The following CSMD1 variants were observed in gnomAD, a reference collection of about 807,000 sequenced individuals.
CSMD1 encodes CUB and Sushi multiple domains 1.
CSMD1 carries 213 observed loss-of-function variants against 417.5 expected under a neutral mutation model. The ratio of observed to expected loss-of-function variants is 0.51; its 90% confidence interval spans 0.46 to 0.57. The LOEUF (loss-of-function observed/expected upper bound fraction) is 0.57. CSMD1 is among the 20% of genes least tolerant of loss of function. The pLI, the probability that CSMD1 is intolerant of heterozygous loss-of-function variation, is 0.00. For missense variants in CSMD1, 6,923 were observed against 4,529.7 expected (o/e 1.53, Z -15.17); for synonymous variants, 2,862 against 1,736.8 (o/e 1.65, Z -16.11).
chr8:2,942,460 T>C lies in CSMD1; in HGVS notation c.10535+12A>G. ...TCACAACATTCTCAAACAGATGGTGTTTCTGCAGTACCTGTGTTTGTAGAG... is the reference window on the plus strand; with the variant it reads ...TCACAACATTCTCAAACAGATGGTGCTTCTGCAGTACCTGTGTTTGTAGAG... On this transcript the variant is annotated intron_variant, in intron 69 of 69. Coordinates refer to ENST00000635120, the MANE Select transcript of CSMD1 (RefSeq NM_033225.6). 2 of 1,608,952 alleles carry C rather than the reference T, an allele frequency of 1.2e-6. No individual in the cohort carries two copies. The highest frequency in any genetic ancestry group is 1.3e-5 in the African/African-American group (1 of 74,848).
At chr8:4,245,038 C>A (rs1017558165) in intron 3 of CSMD1, among the ~76,000 whole-genome samples, 3 of 152,136 alleles carry the variant, frequency 2.0e-5, no homozygotes, top group African/African-American at 7.2e-5. Flanking sequence ...TATAAAACCA[C>A]CATTCATTAG....
chr8:3,752,013 A>G (rs1262437458), intron 6 of CSMD1, among the ~76,000 whole-genome samples: 4 of 152,190 alleles, frequency 2.6e-5, no homozygotes, highest in African/African-American at 9.7e-5. Flanking sequence ...GGATCACTGA[A>G]GAGAAAGTGC....
chr8:4,171,572 G>A (rs143098153), intron 3 of CSMD1, among the ~76,000 whole-genome samples: 54 of 151,610 alleles, frequency 3.6e-4, no homozygotes, highest in African/African-American at 8.5e-4. Flanking sequence ...GGAGTGATAC[G>A]TTGCCAAATA....
intron 5 of CSMD1, among the ~76,000 whole-genome samples, chr8:3,954,033 G>A (rs112081912): frequency 2.0e-5 from 3 of 152,126 alleles, no homozygotes; most frequent in East Asian, 1.9e-4. Flanking sequence ...CATGGTGAGC[G>A]GGGCACATGC....
rs555650729 is a variant in CSMD1, at chr8:3,772,560, CAT to C, written c.819-18520_819-18519del. On this transcript the variant is annotated intron_variant, in intron 5 of 69. Coordinates refer to ENST00000635120, the MANE Select transcript of CSMD1 (RefSeq NM_033225.6). ...ATATATACACATATATACATATATA[CAT>C]ATATATACATATATACACATATATT... is the stretch of plus-strand genomic sequence containing the variant. Among the ~76,000 whole-genome samples, 6 of 104,396 alleles carry C rather than the reference CAT, an allele frequency of 5.7e-5. 1 individual carries two copies. The highest frequency in any genetic ancestry group is 3.4e-4 in the Admixed American group (3 of 8,746). The allele number at this position is 104,396 out of a possible 152,430, so 68.5% of individuals were successfully genotyped here. A position where few individuals can be genotyped will look rare whatever the true frequency, so the allele number is the denominator to read the frequency against.
At chr8:3,307,874 C>T (rs946384350) in intron 24 of CSMD1, 53 bp from the exon 25 acceptor site, 3 of 1,577,852 alleles carry the variant, frequency 1.9e-6, no homozygotes, top group East Asian at 2.3e-5. Context: ...TCACATGTTT[C>T]TATTTAGCTA....
chr8:4,899,428 T>C (rs546255662), intron 1 of CSMD1, among the ~76,000 whole-genome samples: 251 of 152,330 alleles, frequency 1.6e-3, no homozygotes, highest in Non-Finnish European at 2.6e-3. Flanking sequence ...GGAAGTATTT[T>C]AGGTAATTGA....
At chr8:3,483,710 C>A (rs1057424865) in intron 11 of CSMD1, among the ~76,000 whole-genome samples, 2 of 152,024 alleles carry the variant, frequency 1.3e-5, no homozygotes, top group African/African-American at 4.8e-5. Flanking sequence ...AGACCGATAT[C>A]TTTTATGAAT....
At chr8:3,050,376 T>C (rs34115690) in intron 50 of CSMD1, among the ~76,000 whole-genome samples, 2,436 of 152,308 alleles carry the variant, frequency 0.016, 23 homozygotes, top group East Asian at 0.031. Context: ...GATAAGCTAT[T>C]TGAAATATTT....
At chr8:3,851,568 C>T (rs1015130463) in intron 5 of CSMD1, among the ~76,000 whole-genome samples, 3 of 152,168 alleles carry the variant, frequency 2.0e-5, no homozygotes, top group African/African-American at 7.2e-5. Flanking sequence ...CAGCAACTCC[C>T]TGCTGCAGGC....
At chr8:3,591,593 C>T (rs972250062) in intron 8 of CSMD1, among the ~76,000 whole-genome samples, 3 of 152,330 alleles carry the variant, frequency 2.0e-5, no homozygotes, top group Middle Eastern at 3.4e-3. Context: ...CACTAATCTA[C>T]TGACTGGCTA....
chr8:4,041,452 C>A (rs1797891342), intron 3 of CSMD1, among the ~76,000 whole-genome samples: 1 of 152,162 alleles, frequency 6.6e-6, no homozygotes, highest in Non-Finnish European at 1.5e-5. Context: ...AACCTACATC[C>A]AGCCTTAAAA....
At chr8:3,222,762 C>T (rs1326294218) in intron 28 of CSMD1, among the ~76,000 whole-genome samples, 2 of 152,162 alleles carry the variant, frequency 1.3e-5, no homozygotes, top group Non-Finnish European at 2.9e-5. Context: ...AGCTGAGTAA[C>T]ATTTGGTAAA....
At chr8:4,257,910 A>C (rs1022979002) in intron 3 of CSMD1, among the ~76,000 whole-genome samples, 13 of 152,226 alleles carry the variant, frequency 8.5e-5, no homozygotes, top group African/African-American at 2.2e-4. Context: ...TAACAACAAC[A>C]ACCACCACTT....
chr8:3,384,243 A>G (rs1316306649), intron 18 of CSMD1, among the ~76,000 whole-genome samples: 1 of 152,114 alleles, frequency 6.6e-6, no homozygotes, highest in East Asian at 1.9e-4. Flanking sequence ...AAATTTTCAC[A>G]TAATAATTTT....
chr8:3,565,575 G>C (rs957965001), intron 10 of CSMD1, among the ~76,000 whole-genome samples: 1 of 152,148 alleles, frequency 6.6e-6, no homozygotes, highest in African/African-American at 2.4e-5. Context: ...GCAAGTGAAT[G>C]CCTCTTCTTC....
intron 23 of CSMD1, among the ~76,000 whole-genome samples, chr8:3,330,708 C>A (rs1209197837): frequency 6.6e-6 from 1 of 152,044 alleles, no homozygotes; most frequent in Non-Finnish European, 1.5e-5. Flanking sequence ...CATGAGTTTA[C>A]CCAAATAACA....
intron 1 of CSMD1, among the ~76,000 whole-genome samples, chr8:4,923,597 ATTGAGTT>A (rs1264715564): frequency 7.4e-6 from 1 of 135,140 alleles, no homozygotes; most frequent in Non-Finnish European, 1.7e-5. Flanking sequence ...TGATAACCTC[ATTGAGTT>A]TAAACATACA....
chr8:3,178,092 C>T (rs1013412009), intron 37 of CSMD1, among the ~76,000 whole-genome samples: 1 of 152,138 alleles, frequency 6.6e-6, no homozygotes, highest in Admixed American at 6.5e-5. Flanking sequence ...AGGTCATATA[C>T]ATTAAACCAG....
Sources: allele counts gnomAD v4.1 joint callset (sites outside exome capture counted in the v4.1 genomes callset), GRCh38; gene constraint gnomAD v4.1.1; transcripts MANE v1.5; gene names NCBI Gene and HGNC (gene_info 2026-07-23, HGNC 2026-07-21).